Variants in PTK2 observed in about 807,000 individuals in gnomAD.
PTK2 encodes the protein focal adhesion kinase 1.
Under a neutral mutation model 150.1 loss-of-function variants are expected in PTK2, and 45 were observed. That is an observed-to-expected ratio of 0.30 (90% confidence interval 0.24 to 0.38). The LOEUF is 0.38. PTK2 is among the 10% of genes least tolerant of loss of function. The pLI is 1.00. For missense variants in PTK2, 919 were observed against 1,307.3 expected (o/e 0.70, Z 4.58); for synonymous variants, 432 against 449.2 (o/e 0.96, Z 0.48).
exon 1 of PTK2, chr8:141,001,173 G>A (rs912930851): frequency 2.7e-5 from 4 of 150,814 alleles, no homozygotes; most frequent in African/African-American, 4.8e-5. Context: ...ACGACGGGGC[G>A]GCGCTGGGCG....
At chr8:140,879,140 T>TATATACACACATAC (rs1555300630) in intron 4 of PTK2, 2 of 166,890 alleles carry the variant, frequency 1.2e-5, no homozygotes, top group East Asian at 1.6e-4. Flanking sequence ...ACATTATATA[T>TATATACACACATAC]ATATACATAC....
intron 26 of PTK2, among the ~76,000 whole-genome samples, chr8:140,689,205 T>C (rs555560527): frequency 3.3e-4 from 51 of 152,304 alleles, no homozygotes; most frequent in Non-Finnish European, 1.3e-4. Context: ...TCCTATTCCA[T>C]GGAATGCTGA....
At chr8:140,747,988 G>C (rs1214108337) in intron 17 of PTK2, among the ~76,000 whole-genome samples, 1 of 152,108 alleles carries the variant, frequency 6.6e-6, no homozygotes, top group Non-Finnish European at 1.5e-5. Context: ...GGGAGGAGGT[G>C]AAATGGGATT....
At chr8:140,874,371 A>G (rs889472302) in intron 4 of PTK2, among the ~76,000 whole-genome samples, 1 of 152,142 alleles carries the variant, frequency 6.6e-6, no homozygotes, top group African/African-American at 2.4e-5. Context: ...ATTTATACCC[A>G]ATTATATTGC....
chr8:140,659,227 C>A, exon 32 of PTK2: 4 of 508,474 alleles, frequency 7.9e-6, no homozygotes, highest in East Asian at 3.2e-5. Flanking sequence ...AGAAAAACGC[C>A]ACATTTTGGA....
At chr8:140,816,640 C>T (rs10090774) in intron 10 of PTK2, among the ~76,000 whole-genome samples, 88,007 of 152,120 alleles carry the variant, frequency 0.58, 27,019 homozygotes, top group African/African-American at 0.78. Context: ...AGGCAAAGTA[C>T]ATGATATGAG....
intron 26 of PTK2, among the ~76,000 whole-genome samples, chr8:140,689,424 A>G (rs1449323180): frequency 6.6e-6 from 1 of 152,248 alleles, no homozygotes; most frequent in Non-Finnish European, 1.5e-5. Flanking sequence ...GTTCAAGCTT[A>G]AAGGAAACTC....
chr8:140,980,345 C>T (rs1179761686), intron 1 of PTK2, among the ~76,000 whole-genome samples: 2 of 152,162 alleles, frequency 1.3e-5, no homozygotes, highest in Non-Finnish European at 2.9e-5. Context: ...CGGCCGGGCA[C>T]GGTGGCTCAC....
chr8:140,692,487 G>A lies in PTK2; in HGVS notation c.2500-5793C>T, dbSNP rs113477589. 7.2e-5 allele frequency among the ~76,000 whole-genome samples: 11 copies of A among 152,256 alleles called. 2 individuals are homozygous for A. The highest frequency in any genetic ancestry group is 2.6e-4 in the African/African-American group (11 of 41,546). On this transcript the variant is annotated intron_variant, in intron 26 of 31. Transcript: ENST00000522684. ...CAAAAATTAGCCGGGCATGGTGGCA[G>A]GCACCTGCAGTCCCAGCTAGTCGGG...
At chr8:140,861,878 C>T (rs1453853736) in intron 5 of PTK2, among the ~76,000 whole-genome samples, 1 of 152,028 alleles carries the variant, frequency 6.6e-6, no homozygotes, top group African/African-American at 2.4e-5. Context: ...TTTTTTAGAC[C>T]ACTCTGACTG....
intron 1 of PTK2, among the ~76,000 whole-genome samples, chr8:140,951,025 T>G (rs2100179390): frequency 6.6e-6 from 1 of 152,056 alleles, no homozygotes; most frequent in African/African-American, 2.4e-5. Flanking sequence ...CCAATCTATC[T>G]CAGCTGTGCT....
At chr8:140,952,425 CAGGGGGACACAGGACCCAGACTTCT>C (rs1164809761) in intron 1 of PTK2, among the ~76,000 whole-genome samples, 1 of 152,124 alleles carries the variant, frequency 6.6e-6, no homozygotes, top group Non-Finnish European at 1.5e-5. Flanking sequence ...CTATGAAGGA[CAGGGGGACACAGGACCCAGACTTCT>C]AGGCCTTGCA....
intron 8 of PTK2, chr8:140,822,349 T>TTC (rs1448671168): frequency 7.2e-5 from 7 of 96,892 alleles, no homozygotes; most frequent in Admixed American, 3.4e-4. Context: ...TAGGCGCTGA[T>TTC]TCACACACAC....
intron 20 of PTK2, among the ~76,000 whole-genome samples, chr8:140,742,259 G>C (rs1391848248): frequency 2.0e-5 from 3 of 152,220 alleles, no homozygotes; most frequent in Non-Finnish European, 2.9e-5. Context: ...GCCGCATCTG[G>C]TGTAAGATGA....
At position 140,793,492 on chromosome 8, in the gene PTK2, T is replaced by C. The variant is rs536652218; in HGVS notation, c.1094-108A>G. 247 of 1,202,816 alleles carry C rather than the reference T, an allele frequency of 2.1e-4. 3 individuals carry two copies. The South Asian group carries it at 3.3e-3, about 16-fold the overall frequency. 74.5% of individuals were successfully genotyped at this position (1,202,816 alleles called of 1,614,324 possible). ...GAGGCCTATACTGGTATTCCAGCAA[T>C]GACCCTTTAAAGAAAGTTGCTACAC... is the stretch of plus-strand genomic sequence containing the variant. On this transcript the variant is annotated intron_variant, in intron 12 of 31. Transcript: ENST00000522684.
intron 14 of PTK2, among the ~76,000 whole-genome samples, chr8:140,782,243 G>GTTT (rs1240768281): frequency 9.2e-5 from 9 of 97,604 alleles, no homozygotes; most frequent in African/African-American, 4.5e-4. Flanking sequence ...AAATTTGGTT[G>GTTT]TTTTTTTTTT....
intron 8 of PTK2, among the ~76,000 whole-genome samples, chr8:140,828,408 C>G (rs951489251): frequency 6.6e-6 from 1 of 152,118 alleles, no homozygotes; most frequent in Non-Finnish European, 1.5e-5. Flanking sequence ...GTGACCTGTA[C>G]CTGTGGTTCC....
intron 1 of PTK2, chr8:140,983,813 T>C (rs1300751027): frequency 6.6e-6 from 1 of 152,212 alleles, no homozygotes; most frequent in African/African-American, 2.4e-5. Context: ...AAACTTTTAA[T>C]GTAAACATTT....
At chr8:140,912,080 C>T (rs1030036843) in intron 2 of PTK2, among the ~76,000 whole-genome samples, 4 of 151,616 alleles carry the variant, frequency 2.6e-5, no homozygotes, top group African/African-American at 9.7e-5. Flanking sequence ...AAAGAAATAA[C>T]CAAAATTTTA....
Sources: gnomAD v4.1 joint callset for allele counts (sites outside exome capture counted in the v4.1 genomes callset) on GRCh38, gnomAD v4.1.1 for gene constraint, MANE v1.5 for transcripts, NCBI Gene and HGNC (gene_info 2026-07-23, HGNC 2026-07-21) for gene names.